Variants in NDUFB5 observed in about 807,000 individuals in gnomAD.
NDUFB5 encodes NADH:ubiquinone oxidoreductase subunit B5.
A neutral mutation model predicts 19.4 loss-of-function variants in NDUFB5; 19 were observed. The ratio of observed to expected loss-of-function variants is 0.98; its 90% CI spans 0.68 to 1.43. The LOEUF is 1.43. Among genes scored for constraint, NDUFB5 ranks in the 40% most tolerant of loss-of-function variants. The pLI, the probability that NDUFB5 is intolerant of heterozygous loss-of-function variation, is 0.00. For missense variants in NDUFB5, 233 were observed against 236.5 expected, an observed-to-expected ratio of 0.99 and a Z score of 0.10; for synonymous variants, 80 against 82.6, an observed-to-expected ratio of 0.97 and a Z score of 0.17.
intron 2 of NDUFB5, chr3:179,615,440 A>G (rs956488568): frequency 1.1e-5 from 3 of 284,024 alleles, no homozygotes; most frequent in East Asian, 8.2e-5. Context: ...TTATATTTAT[A>G]TGTTGTTCAG....
intron 1 of NDUFB5, among the ~76,000 whole-genome samples, chr3:179,605,449 T>A (rs1206905893): frequency 6.6e-6 from 1 of 151,196 alleles, no homozygotes; most frequent in African/African-American, 2.4e-5. Context: ...GGAAGAGAGG[T>A]TTTTGTTTTG....
intron 1 of NDUFB5, 116 bp downstream of exon 1, chr3:179,605,055 G>C: frequency 8.0e-6 from 11 of 1,374,288 alleles, no homozygotes; most frequent in Non-Finnish European, 1.0e-5. Flanking sequence ...TTGTGGGCTT[G>C]GGGCTTGACA....
chr3:179,616,546 C>G (rs4147792), intron 3 of NDUFB5, among the ~76,000 whole-genome samples: 13,831 of 151,476 alleles, frequency 0.091, 680 homozygotes, highest in South Asian at 0.17. Context: ...TGTCCCCCCC[C>G]CAAAAAAAAA....
intron 4 of NDUFB5, chr3:179,617,480 A>AT (rs1393501858): frequency 6.6e-6 from 1 of 152,074 alleles, no homozygotes; most frequent in African/African-American, 2.4e-5. Context: ...AAGCAGATAC[A>AT]TTTTTTTGCA....
At chr3:179,608,584 G>A (rs1480191364) in intron 1 of NDUFB5, among the ~76,000 whole-genome samples, 2 of 152,150 alleles carry the variant, frequency 1.3e-5, no homozygotes, top group African/African-American at 2.4e-5. Context: ...TCCAGAGCTT[G>A]TAGACCTTTT....
In NDUFB5 at chr3:179,616,197, C is replaced by T. The variant is rs535340851; in HGVS notation, c.280+148C>T. On this transcript the variant is annotated intron_variant, in intron 3 of 5. Transcript: ENST00000259037. ...AGCATGGCAGTTTATCTTAAAATAA[C>T]CAAATCTCAATCTGAACTAAGAATT... 3 of 654,214 alleles carry T rather than the reference C, an allele frequency of 4.6e-6. No homozygotes were observed. In the African/African-American group the frequency reaches 5.5e-5, roughly 12 times the overall value. The allele number at this position is 654,214 out of a possible 1,614,324, so 40.5% of individuals were successfully genotyped here. A position where few individuals can be genotyped will look rare whatever the true frequency, so the allele number is the denominator to read the frequency against.
chr3:179,608,187 TG>T (rs201417013), intron 1 of NDUFB5, among the ~76,000 whole-genome samples: 1 of 151,616 alleles, frequency 6.6e-6, no homozygotes, highest in African/African-American at 2.4e-5. Context: ...GTTTTTTTTT[TG>T]TTTTGTTTTG....
chr3:179,615,657 A>T (rs1349060053), intron 2 of NDUFB5: 1 of 495,448 alleles, frequency 2.0e-6, no homozygotes, highest in African/African-American at 1.9e-5. Context: ...CTGACCTTAA[A>T]ACTTTCTCTT....
intron 1 of NDUFB5, 144 bp downstream of exon 1, chr3:179,605,083 G>A: frequency 8.1e-7 from 1 of 1,229,440 alleles, no homozygotes; most frequent in Non-Finnish European, 1.1e-6. Flanking sequence ...CGGAGCACGA[G>A]CTATATGAGG....
At position 179,616,025 on chromosome 3, in the gene NDUFB5, A is replaced by C. The variant is rs761363787; in HGVS notation, c.256A>C (p.Ile86Leu). The change falls in exon 3 of 6, where the codon ATA becomes CTA. Residue 86 changes from isoleucine to leucine, a missense_variant. Coordinates refer to ENST00000259037, the MANE Select transcript of NDUFB5 (RefSeq NM_002492.4). ...GACTGGGATTCCAGTAGCAATTTTCATAACTCTGGTGAATGTATTCATTGG... is the reference window on the plus strand; with the variant it reads ...GACTGGGATTCCAGTAGCAATTTTCCTAACTCTGGTGAATGTATTCATTGG... ...ALTGIPVAIF[I>L]TLVNVFIGQA... 1 of 1,613,736 alleles carries C rather than the reference A, an allele frequency of 6.2e-7. No homozygotes were observed. Among genetic ancestry groups the C allele is most frequent in the South Asian group, 1.1e-5 (1 of 91,024 alleles).
intron 1 of NDUFB5, among the ~76,000 whole-genome samples, chr3:179,613,851 C>G (rs569961299): frequency 3.0e-4 from 45 of 152,016 alleles, no homozygotes; most frequent in African/African-American, 1.0e-3. Context: ...CAATAACGTA[C>G]AGTAATTCAA....
intron 1 of NDUFB5, among the ~76,000 whole-genome samples, chr3:179,614,226 G>A (rs1164951515): frequency 1.3e-5 from 2 of 152,178 alleles, no homozygotes; most frequent in Non-Finnish European, 2.9e-5. Context: ...GGATCCAGAA[G>A]TGAAATTTTG....
intron 1 of NDUFB5, among the ~76,000 whole-genome samples, chr3:179,606,564 TC>T (rs1298824469): frequency 3.1e-4 from 47 of 152,310 alleles, no homozygotes; most frequent in African/African-American, 1.1e-3. Flanking sequence ...GGTCTCGAAC[TC>T]CTGACCTCGT....
intron 5 of NDUFB5, among the ~76,000 whole-genome samples, chr3:179,621,634 C>T (rs1387513544): frequency 5.3e-5 from 8 of 151,058 alleles, no homozygotes; most frequent in South Asian, 4.2e-4. Flanking sequence ...GGATTACAGG[C>T]GCCCGCCACC....
chr3:179,618,519 A>G lies in NDUFB5; in HGVS notation c.447A>G (p.Leu149=). The G allele has an allele frequency of 6.2e-7, 1 of 1,606,016 alleles. No individual in the cohort carries two copies. Among genetic ancestry groups the G allele is most frequent in the Non-Finnish European group, 8.5e-7 (1 of 1,175,090 alleles). The change falls in exon 5 of 6, where the codon TTA becomes TTG. Residue 149 remains leucine, a splice_region_variant and synonymous_variant. Coordinates refer to ENST00000259037, the MANE Select transcript of NDUFB5 (RefSeq NM_002492.4). Reference sequence around the variant, plus strand: ...AGATTGAAGCTGAAAAGGCTGAATTACGGTAGGAAAAACGAGGGGGTAGGT... The same window carrying G: ...AGATTGAAGCTGAAAAGGCTGAATTGCGGTAGGAAAAACGAGGGGGTAGGT... The part of the protein sequence containing the change: ...VLQIEAEKAE[L]RVKELEVRKL...
chr3:179,616,452 G>A (rs1226411347), intron 3 of NDUFB5, among the ~76,000 whole-genome samples: 1 of 152,150 alleles, frequency 6.6e-6, no homozygotes, highest in South Asian at 2.1e-4. Context: ...TGAGGCAGGA[G>A]AATGGCTTGA....
intron 1 of NDUFB5, among the ~76,000 whole-genome samples, chr3:179,608,714 T>A (rs1379978570): frequency 1.3e-5 from 2 of 152,206 alleles, no homozygotes; most frequent in African/African-American, 4.8e-5. Flanking sequence ...GTAAATTTAC[T>A]TAATTTAAAT....
At position 179,624,117 on chromosome 3, in the gene NDUFB5, C is replaced by A; in HGVS notation, c.*77C>A. The A allele has an allele frequency of 1.5e-6, 2 of 1,356,194 alleles. No individual in the cohort carries two copies. The highest frequency in any genetic ancestry group is 1.5e-5 in the South Asian group (1 of 67,994). The allele number at this position is 1,356,194 out of a possible 1,614,324, so 84.0% of individuals were successfully genotyped here. A position where few individuals can be genotyped will look rare whatever the true frequency, so the allele number is the denominator to read the frequency against. ...AATAAATATATTCTGTATTTTTGCTCTCCGTGAAAAACAAAAGAGCCTCTG... is the reference window on the plus strand; with the variant it reads ...AATAAATATATTCTGTATTTTTGCTATCCGTGAAAAACAAAAGAGCCTCTG... On this transcript the variant is annotated 3_prime_UTR_variant, in exon 6 of 6. Transcript: ENST00000259037.
At chr3:179,613,091 C>A (rs191531256) in intron 1 of NDUFB5, among the ~76,000 whole-genome samples, 2 of 152,250 alleles carry the variant, frequency 1.3e-5, no homozygotes, top group African/African-American at 2.4e-5. Flanking sequence ...TGTAAAGACT[C>A]TTTTGGGACC....
Sources: allele counts gnomAD v4.1 joint callset (sites outside exome capture counted in the v4.1 genomes callset), GRCh38; gene constraint gnomAD v4.1.1; transcripts MANE v1.5; gene names NCBI Gene and HGNC (gene_info 2026-07-23, HGNC 2026-07-21).